The following STK39 variants were observed in gnomAD, a reference collection of about 807,000 sequenced individuals.
The protein encoded by STK39 is STE20/SPS1-related proline-alanine-rich protein kinase.
Under a neutral mutation model 77.8 loss-of-function variants are expected in STK39, and 20 were observed. The observed-to-expected ratio is 0.26, with a 90% CI of 0.18 to 0.37. The LOEUF (loss-of-function observed/expected upper bound fraction) is 0.37, where lower values mean the gene tolerates loss of function less well. Among genes scored for constraint, STK39 ranks in the 10% least tolerant of loss-of-function variants. The probability of loss-of-function intolerance (pLI) is 1.00; values close to 1 mark genes in which losing one functional copy is unlikely to be tolerated. For missense variants in STK39, 479 were observed against 656.5 expected, an observed-to-expected ratio of 0.73 and a Z score of 2.95; for synonymous variants, 246 against 234.1, an observed-to-expected ratio of 1.05 and a Z score of -0.47.
chr2:168,063,484 CA>C lies in STK39; in HGVS notation c.1376+15del. On this transcript the variant is annotated intron_variant, in intron 14 of 17. Coordinates refer to ENST00000355999, the MANE Select transcript of STK39 (RefSeq NM_013233.3). ...TATAGGAAAAACAATGCAGAATAAA[CA>C]ACAGTATTATTTACCTTAATCTCAA... 1 of 1,603,002 alleles carries C rather than the reference CA, an allele frequency of 6.2e-7. No individual in the cohort carries two copies.
chr2:168,183,647 A>G (rs564773307), intron 1 of STK39, among the ~76,000 whole-genome samples: 2 of 152,306 alleles, frequency 1.3e-5, no homozygotes, highest in South Asian at 2.1e-4. Flanking sequence ...CAGGGTCTGC[A>G]TGAGCCTCAT....
chr2:168,020,215 T>A (rs955363257), intron 14 of STK39, among the ~76,000 whole-genome samples: 2 of 152,216 alleles, frequency 1.3e-5, no homozygotes, highest in Non-Finnish European at 1.5e-5. Flanking sequence ...AATTTATTAA[T>A]TTGAAAATGA....
chr2:168,062,333 G>C (rs562207127), intron 14 of STK39, among the ~76,000 whole-genome samples: 1 of 152,136 alleles, frequency 6.6e-6, no homozygotes, highest in Non-Finnish European at 1.5e-5. Flanking sequence ...GAAGTACCTC[G>C]TTCGAAAGTC....
intron 14 of STK39, among the ~76,000 whole-genome samples, chr2:168,035,011 A>G (rs1684915826): frequency 6.6e-6 from 1 of 152,232 alleles, no homozygotes; most frequent in South Asian, 2.1e-4. Flanking sequence ...TTTTACAAAA[A>G]TAGAGCTTGT....
chr2:168,183,486 A>G (rs1689135328), intron 1 of STK39, among the ~76,000 whole-genome samples: 1 of 152,224 alleles, frequency 6.6e-6, no homozygotes, highest in Non-Finnish European at 1.5e-5. Context: ...AGCCAGTATC[A>G]GCATCACGCC....
intron 12 of STK39, among the ~76,000 whole-genome samples, chr2:168,066,414 G>T (rs764000867): frequency 2.0e-5 from 3 of 152,192 alleles, no homozygotes. Flanking sequence ...ACGATAAGAT[G>T]TTAGGGGAAA....
intron 16 of STK39, among the ~76,000 whole-genome samples, chr2:168,007,387 A>C (rs1396006462): frequency 6.6e-6 from 1 of 152,214 alleles, no homozygotes. Flanking sequence ...TCTCTAACAA[A>C]TGTTTATGGA....
At chr2:168,002,949 C>T (rs887349660) in intron 16 of STK39, among the ~76,000 whole-genome samples, 2 of 152,170 alleles carry the variant, frequency 1.3e-5, no homozygotes, top group Admixed American at 6.6e-5. Flanking sequence ...GATTCTACCA[C>T]CTCTCAAGAG....
At chr2:167,970,155 C>T (rs1462118288) in intron 16 of STK39, among the ~76,000 whole-genome samples, 1 of 152,168 alleles carries the variant, frequency 6.6e-6, no homozygotes, top group Non-Finnish European at 1.5e-5. Context: ...ACACCCCCAC[C>T]ATCCCGTCAC....
chr2:168,093,652 T>C (rs1414744198), intron 10 of STK39, among the ~76,000 whole-genome samples: 1 of 152,204 alleles, frequency 6.6e-6, no homozygotes, highest in African/African-American at 2.4e-5. Flanking sequence ...TCTGCCTTTG[T>C]TCCCACCTAT....
chr2:168,083,257 C>G (rs1318680030), intron 10 of STK39, among the ~76,000 whole-genome samples: 1 of 143,558 alleles, frequency 7.0e-6, no homozygotes, highest in Non-Finnish European at 1.5e-5. Context: ...AGCTAAGAAG[C>G]TTTTGTCGAT....
intron 5 of STK39, among the ~76,000 whole-genome samples, chr2:168,160,622 C>T (rs573551438): frequency 6.6e-6 from 1 of 152,150 alleles, no homozygotes; most frequent in African/African-American, 2.4e-5. Context: ...TTTAAGGAAA[C>T]TGAGTCTTAA....
Position 168,182,017 on chromosome 2 carries a change from G to T in STK39, c.282C>A (p.Ile94=). Residue 94 remains isoleucine (I), a synonymous_variant, in exon 2 of 18, where the codon ATC becomes ATA. Transcript: ENST00000355999. ...TACTGGTCTGGCATTTTTCCAAGTT[G>T]ATCCGTTTTATTGCTACACGTTCTT... ...PRQERVAIKR[I]NLEKCQTSMD... 6.2e-6 allele frequency: 10 copies of T among 1,613,930 alleles called. No individual in the cohort carries two copies. Among genetic ancestry groups the T allele is most frequent in the Non-Finnish European group, 7.6e-6 (9 of 1,179,912 alleles).
intron 10 of STK39, among the ~76,000 whole-genome samples, chr2:168,110,394 G>A (rs1047209424): frequency 1.3e-5 from 2 of 151,982 alleles, no homozygotes; most frequent in South Asian, 2.1e-4. Context: ...CACCATGCCT[G>A]GCTAATTTTT....
chr2:168,170,088 T>A (rs1688787154), intron 2 of STK39, among the ~76,000 whole-genome samples: 1 of 152,192 alleles, frequency 6.6e-6, no homozygotes. Context: ...TGACCTATGC[T>A]ATCACTGATC....
chr2:168,246,212 A>G (rs1690895457), intron 1 of STK39, among the ~76,000 whole-genome samples: 2 of 152,180 alleles, frequency 1.3e-5, no homozygotes, highest in Non-Finnish European at 2.9e-5. Context: ...TTAGACGCTG[A>G]GGGCCCACTT....
intron 1 of STK39, among the ~76,000 whole-genome samples, chr2:168,211,890 A>G (rs961655071): frequency 6.6e-6 from 1 of 152,238 alleles, no homozygotes. Flanking sequence ...AGTCTATACC[A>G]TAATCAGGGT....
chr2:168,236,880 T>C (rs4315488), intron 1 of STK39, among the ~76,000 whole-genome samples: 113,925 of 151,788 alleles, frequency 0.75, 44,207 homozygotes, highest in Non-Finnish European at 0.86. Flanking sequence ...AGTCAGGTAG[T>C]GTGATGCCTC....
intron 1 of STK39, among the ~76,000 whole-genome samples, chr2:168,209,705 C>G (rs1009056317): frequency 2.0e-5 from 3 of 149,730 alleles, no homozygotes; most frequent in African/African-American, 7.4e-5. Context: ...AAGAAAGAAA[C>G]TAATGTAATT....
Sources: gnomAD v4.1 joint callset for allele counts (sites outside exome capture counted in the v4.1 genomes callset) on GRCh38, gnomAD v4.1.1 for gene constraint, MANE v1.5 for transcripts, NCBI Gene and HGNC (gene_info 2026-07-23, HGNC 2026-07-21) for gene names.